GRM7: variants seen among roughly 807,000 people sequenced by gnomAD.
The protein encoded by GRM7 is glutamate metabotropic receptor 7, also known as metabotropic glutamate receptor 7.
In GRM7, 35 loss-of-function variants were observed where a neutral mutation model predicts 84.5. That is an observed-to-expected ratio of 0.41 (90% confidence interval 0.32 to 0.55). The LOEUF is 0.55. GRM7 is among the 20% of genes least tolerant of loss of function. The pLI, the probability that GRM7 is intolerant of heterozygous loss-of-function variation, is 0.19. For missense variants in GRM7, 1,003 were observed against 1,194.6 expected, an observed-to-expected ratio of 0.84 and a Z score of 2.36; for synonymous variants, 487 against 455.1, an observed-to-expected ratio of 1.07 and a Z score of -0.89.
At chr3:7,159,160 G>T (rs1246790404) in intron 2 of GRM7, among the ~76,000 whole-genome samples, 1 of 152,136 alleles carries the variant, frequency 6.6e-6, no homozygotes, top group Non-Finnish European at 1.5e-5. Context: ...AGAGAGATGA[G>T]ACATAATTTG....
chr3:6,866,640 C>G (rs74628327), intron 1 of GRM7, among the ~76,000 whole-genome samples: 7 of 152,276 alleles, frequency 4.6e-5, no homozygotes, highest in Non-Finnish European at 7.4e-5. Flanking sequence ...TCATAAGACA[C>G]AAGGCAGGGA....
chr3:7,357,904 A>T (rs546000285), intron 4 of GRM7, among the ~76,000 whole-genome samples: 27 of 152,192 alleles, frequency 1.8e-4, no homozygotes, highest in Middle Eastern at 3.4e-3. Flanking sequence ...GGAAAAAAAA[A>T]CCCACTTCCA....
intron 1 of GRM7, among the ~76,000 whole-genome samples, chr3:7,011,433 CA>C (rs34251628): frequency 0.43 from 65,299 of 152,022 alleles, 16,271 homozygotes; most frequent in Non-Finnish European, 0.54. Context: ...CATGTTCCAC[CA>C]AAAGCCTTAA....
At chr3:6,913,556 G>A (rs1696844220) in intron 1 of GRM7, among the ~76,000 whole-genome samples, 1 of 152,080 alleles carries the variant, frequency 6.6e-6, no homozygotes, top group Non-Finnish European at 1.5e-5. Flanking sequence ...CTAGTTCTTG[G>A]TTACGAAGTT....
At chr3:7,618,500 C>T (rs1349956519) in intron 8 of GRM7, among the ~76,000 whole-genome samples, 1 of 152,008 alleles carries the variant, frequency 6.6e-6, no homozygotes, top group Non-Finnish European at 1.5e-5. Flanking sequence ...AGGAATAGGA[C>T]AACTTGGGTT....
At chr3:6,987,059 C>T (rs1312561009) in intron 1 of GRM7, among the ~76,000 whole-genome samples, 1 of 152,184 alleles carries the variant, frequency 6.6e-6, no homozygotes, top group Non-Finnish European at 1.5e-5. Context: ...TAATCCCTTT[C>T]TTGCCTAGTT....
intron 7 of GRM7, among the ~76,000 whole-genome samples, chr3:7,480,692 G>T (rs1293057430): frequency 6.6e-6 from 1 of 152,116 alleles, no homozygotes; most frequent in East Asian, 1.9e-4. Context: ...TTGAATTGTG[G>T]GTATTGCTAG....
intron 1 of GRM7, among the ~76,000 whole-genome samples, chr3:6,901,843 G>C (rs975927615): frequency 2.0e-5 from 3 of 151,052 alleles, no homozygotes; most frequent in Non-Finnish European, 4.4e-5. Context: ...TTTTATTTAG[G>C]AATAATGTAT....
chr3:7,736,949 TG>T (rs1553643670), intron 9 of GRM7, among the ~76,000 whole-genome samples: 1 of 152,090 alleles, frequency 6.6e-6, no homozygotes, highest in Non-Finnish European at 1.5e-5. Context: ...AAATTAAATA[TG>T]GGGTGGCAAC....
At chr3:7,057,980 C>CA (rs1697291215) in intron 1 of GRM7, among the ~76,000 whole-genome samples, 1 of 151,940 alleles carries the variant, frequency 6.6e-6, no homozygotes, top group Non-Finnish European at 1.5e-5. Flanking sequence ...CTTAGGCATT[C>CA]AGATAGTCTT....
rs140480367 is a variant in GRM7 at position 7,298,657 on chromosome 3, G to A, written c.737-27G>A. 7.1e-4 allele frequency: 1,130 copies of A among 1,600,144 alleles called. 4 individuals carry two copies. The African/African-American group carries it at 0.013, about 18-fold the overall frequency. On this transcript the variant is annotated intron_variant, in intron 2 of 9. Coordinates refer to ENST00000357716, the MANE Select transcript of GRM7 (RefSeq NM_000844.4). ...TTGACATCTCTGTGGAAACATTATT[G>A]ACACTATGTTTTCTTCTCTTAAACA...
At chr3:7,298,175 T>C (rs980758517) in intron 2 of GRM7, among the ~76,000 whole-genome samples, 5 of 152,184 alleles carry the variant, frequency 3.3e-5, no homozygotes, top group Admixed American at 3.3e-4. Flanking sequence ...TTGATGTTCT[T>C]GGTTTTAGTT....
chr3:7,322,324 T>C (rs968835107), intron 4 of GRM7, among the ~76,000 whole-genome samples: 1 of 152,138 alleles, frequency 6.6e-6, no homozygotes, highest in Non-Finnish European at 1.5e-5. Context: ...AGAATATATC[T>C]GCTGAAATTT....
At chr3:7,121,759 C>G (rs535125279) in intron 1 of GRM7, among the ~76,000 whole-genome samples, 1 of 152,178 alleles carries the variant, frequency 6.6e-6, no homozygotes, top group East Asian at 1.9e-4. Context: ...AAAACAATGC[C>G]AATACATAGT....
chr3:6,985,793 G>A (rs1337197947), intron 1 of GRM7, among the ~76,000 whole-genome samples: 4 of 152,166 alleles, frequency 2.6e-5, no homozygotes, highest in Non-Finnish European at 5.9e-5. Flanking sequence ...ATCTGGAAAT[G>A]AGCTTGACTG....
intron 2 of GRM7, among the ~76,000 whole-genome samples, chr3:7,201,639 T>G (rs917363097): frequency 6.6e-6 from 1 of 152,220 alleles, no homozygotes; most frequent in African/African-American, 2.4e-5. Context: ...TCTCCTGTAA[T>G]ACACTAAGTA....
At chr3:7,168,998 A>G (rs1248013901) in intron 2 of GRM7, among the ~76,000 whole-genome samples, 1 of 152,206 alleles carries the variant, frequency 6.6e-6, no homozygotes, top group Non-Finnish European at 1.5e-5. Flanking sequence ...TTTTGTCTAA[A>G]TGTATGTATG....
At chr3:7,165,962 C>A (rs1170697305) in intron 2 of GRM7, among the ~76,000 whole-genome samples, 1 of 152,074 alleles carries the variant, frequency 6.6e-6, no homozygotes, top group African/African-American at 2.4e-5. Context: ...TATGTTATTT[C>A]TTTAATGTTA....
At chr3:6,938,611 T>C in intron 1 of GRM7, among the ~76,000 whole-genome samples, 1 of 152,154 alleles carries the variant, frequency 6.6e-6, no homozygotes, top group East Asian at 1.9e-4. Context: ...CAAAATCACT[T>C]CAATCTTAAG....
Sources: allele counts gnomAD v4.1 joint callset (sites outside exome capture counted in the v4.1 genomes callset), GRCh38; gene constraint gnomAD v4.1.1; transcripts MANE v1.5; gene names NCBI Gene and HGNC (gene_info 2026-07-23, HGNC 2026-07-21).